GUCY1A2: variants seen among roughly 807,000 people sequenced by gnomAD.
GUCY1A2 encodes guanylate cyclase soluble subunit alpha-2.
GUCY1A2 carries 27 observed loss-of-function variants against 63.5 expected under a neutral mutation model. The observed-to-expected ratio is 0.43, with a 90% confidence interval of 0.31 to 0.59. The LOEUF (loss-of-function observed/expected upper bound fraction) is 0.59, where lower values mean the gene tolerates loss of function less well. Among genes scored for constraint, GUCY1A2 ranks in the 20% least tolerant of loss-of-function variants. GUCY1A2 has a pLI of 0.11. For missense variants in GUCY1A2, 768 were observed against 913.3 expected, an observed-to-expected ratio of 0.84 and a Z score of 2.05; for synonymous variants, 364 against 343.5, an observed-to-expected ratio of 1.06 and a Z score of -0.66.
chr11:106,687,798 G>T, intron 7 of GUCY1A2, 42 bp from the exon 8 acceptor site: 1 of 1,341,982 alleles, frequency 7.5e-7, no homozygotes, highest in South Asian at 1.2e-5. Flanking sequence ...GTAGGCCAGG[G>T]AAATGTAAAT....
chr11:106,748,887 C>T (rs1863836267), intron 6 of GUCY1A2, among the ~76,000 whole-genome samples: 1 of 152,004 alleles, frequency 6.6e-6, no homozygotes, highest in Admixed American at 6.6e-5. Flanking sequence ...TAGAAAACAT[C>T]AGACCTCATT....
chr11:106,965,252 G>C (rs1200144016), intron 3 of GUCY1A2, among the ~76,000 whole-genome samples: 1 of 152,036 alleles, frequency 6.6e-6, no homozygotes, highest in Non-Finnish European at 1.5e-5. Context: ...AAGCGATTTG[G>C]AGTAAAGTAC....
chr11:106,704,692 T>C lies in GUCY1A2; in HGVS notation c.1991+3820A>G, dbSNP rs114830988. 7.8e-3 allele frequency among the ~76,000 whole-genome samples: 1,191 copies of C among 152,308 alleles called. 13 individuals are homozygous for C. Among genetic ancestry groups the C allele is most frequent in the African/African-American group, 0.027 (1,138 of 41,556 alleles). ...AAGTAATTCAAGTCTTTCTACACTTTTAGTTTGCACTGTAGCAAGAAAAAA... is the reference window on the plus strand; with the variant it reads ...AAGTAATTCAAGTCTTTCTACACTTCTAGTTTGCACTGTAGCAAGAAAAAA... On this transcript the variant is annotated intron_variant, in intron 7 of 7. Transcript: ENST00000526355.
At chr11:106,815,794 A>C (rs1008412354) in intron 4 of GUCY1A2, among the ~76,000 whole-genome samples, 1 of 151,978 alleles carries the variant, frequency 6.6e-6, no homozygotes, top group Non-Finnish European at 1.5e-5. Flanking sequence ...AAACACACGC[A>C]CACACACACC....
At chr11:106,825,746 C>A (rs1040530995) in intron 4 of GUCY1A2, among the ~76,000 whole-genome samples, 7 of 151,716 alleles carry the variant, frequency 4.6e-5, no homozygotes, top group African/African-American at 1.7e-4. Flanking sequence ...CTAACACTGA[C>A]GATAGCTGAT....
intron 4 of GUCY1A2, among the ~76,000 whole-genome samples, chr11:106,877,224 C>T (rs910875214): frequency 2.6e-5 from 4 of 151,942 alleles, no homozygotes; most frequent in Non-Finnish European, 5.9e-5. Context: ...TTTGGGGCTG[C>T]GACTACAGGG....
intron 4 of GUCY1A2, among the ~76,000 whole-genome samples, chr11:106,915,155 GAAGA>G (rs374534678): frequency 1.7e-3 from 264 of 152,248 alleles, no homozygotes; most frequent in African/African-American, 5.9e-3. Context: ...GGATCTTTTT[GAAGA>G]AAGAAAGAGA....
At chr11:106,742,936 T>TGGAAA (rs1431813332) in intron 6 of GUCY1A2, among the ~76,000 whole-genome samples, 5 of 152,228 alleles carry the variant, frequency 3.3e-5, no homozygotes, top group African/African-American at 1.2e-4. Context: ...CTGAGTCTTC[T>TGGAAA]TTAGGTTTTG....
intron 4 of GUCY1A2, among the ~76,000 whole-genome samples, chr11:106,875,476 A>T (rs1415857012): frequency 6.6e-6 from 1 of 152,158 alleles, no homozygotes; most frequent in African/African-American, 2.4e-5. Flanking sequence ...TCATGGTTGG[A>T]TCCAGGGCTC....
Position 106,939,740 on chromosome 11 carries a change from G to A in GUCY1A2, c.926C>T (p.Thr309Ile). The change falls in exon 4 of 8, where the codon ACC (threonine) becomes ATC (isoleucine). Residue 309 changes from threonine to isoleucine, a missense_variant. Around this residue, in one of 3 missense-constraint regions of GUCY1A2, gnomAD observed 496 missense variants for 486.9 expected, o/e 1.02. Transcript: ENST00000526355. ...TNIMKNLPQGTSQVPADLRIS... is the reference protein window; with the variant it reads ...TNIMKNLPQGISQVPADLRIS... ...TCTGAGGTCCGCAGGAACTTGGGAG[G>A]TTCCCTGTGGAAGGTTCTTCATGAT... 1 of 1,613,780 alleles carries A rather than the reference G, an allele frequency of 6.2e-7. No homozygotes were observed. The highest frequency in any genetic ancestry group is 8.5e-7 in the Non-Finnish European group (1 of 1,179,724).
At chr11:107,002,377 GAAT>G (rs1285071014) in intron 1 of GUCY1A2, among the ~76,000 whole-genome samples, 1 of 141,564 alleles carries the variant, frequency 7.1e-6, no homozygotes, top group African/African-American at 2.6e-5. Context: ...GACATGGAGA[GAAT>G]AAGAACAGGT....
In GUCY1A2 at chr11:106,714,226, T is replaced by TA. The variant is rs542926731; in HGVS notation, c.1837-5561dup. Among the ~76,000 whole-genome samples, 445 of 146,740 alleles carry TA rather than the reference T, an allele frequency of 3.0e-3. 2 individuals are homozygous for TA. The highest frequency in any genetic ancestry group is 4.5e-3 in the Non-Finnish European group (300 of 66,186). Reference sequence around the variant, plus strand: ...GAGGGTCATAGAGAGGAACAGTCATTAAAAAAAAAAGTCTTGTCTCTTAGA... The same window carrying TA: ...GAGGGTCATAGAGAGGAACAGTCATTAAAAAAAAAAAGTCTTGTCTCTTAGA... On this transcript the variant is annotated intron_variant, in intron 6 of 7. Transcript: ENST00000526355.
chr11:106,755,202 G>A (rs192777734), intron 6 of GUCY1A2, among the ~76,000 whole-genome samples: 2 of 151,820 alleles, frequency 1.3e-5, no homozygotes, highest in African/African-American at 4.8e-5. Context: ...GATATCCCCT[G>A]TATCATTTTT....
At chr11:106,754,364 T>C (rs921525567) in intron 6 of GUCY1A2, among the ~76,000 whole-genome samples, 2 of 152,200 alleles carry the variant, frequency 1.3e-5, no homozygotes, top group Non-Finnish European at 2.9e-5. Context: ...TCTTGCCTGA[T>C]TGCCCTGGCC....
intron 4 of GUCY1A2, among the ~76,000 whole-genome samples, chr11:106,919,644 G>A (rs1447412343): frequency 6.6e-6 from 1 of 152,090 alleles, no homozygotes; most frequent in African/African-American, 2.4e-5. Context: ...GTTGAGATCT[G>A]AAGGACAAAA....
Position 106,986,112 on chromosome 11 carries a change from G to T in GUCY1A2, c.323C>A (p.Thr108Asn). 1 of 1,497,150 alleles carries T rather than the reference G, an allele frequency of 6.7e-7. No individual in the cohort carries two copies. The allele number at this position is 1,497,150 out of a possible 1,614,324, so 92.7% of individuals were successfully genotyped here. The change falls in exon 2 of 8, where the codon ACT becomes AAT. Residue 108 changes from threonine (T) to asparagine (N), a missense_variant. Thr to Asn is a moderately conservative substitution (Grantham distance 65, BLOSUM62 0). Coordinates refer to ENST00000526355, the MANE Select transcript of GUCY1A2 (RefSeq NM_000855.3). ...ATAATACTGCAGTGTCCTCTTGAGA[G>T]TCTGCTGTATCGTCTGAGGCTACAG... is the stretch of plus-strand genomic sequence containing the variant. ...TAPSPQTIQQ[T>N]LKRTLQYYEH...
intron 3 of GUCY1A2, among the ~76,000 whole-genome samples, chr11:106,953,728 A>T (rs935489510): frequency 1.3e-5 from 2 of 152,130 alleles, no homozygotes; most frequent in African/African-American, 4.8e-5. Context: ...CAGGGATTCA[A>T]CTTCTTCCTG....
intron 4 of GUCY1A2, among the ~76,000 whole-genome samples, chr11:106,867,816 G>T (rs954450578): frequency 1.3e-5 from 2 of 151,956 alleles, no homozygotes; most frequent in Non-Finnish European, 2.9e-5. Flanking sequence ...GAAAAAAGAG[G>T]AATGGAACAG....
At chr11:106,814,735 A>C (rs989017) in intron 4 of GUCY1A2, among the ~76,000 whole-genome samples, 128,197 of 152,000 alleles carry the variant, frequency 0.84, 54,683 homozygotes, top group East Asian at 0.99. Context: ...AAAATTACAC[A>C]GTCATTGCAA....
Sources: allele counts gnomAD v4.1 joint callset (sites outside exome capture counted in the v4.1 genomes callset), GRCh38; gene constraint gnomAD v4.1.1; regional missense constraint gnomAD v4.1.1; transcripts MANE v1.5; gene names NCBI Gene and HGNC (gene_info 2026-07-23, HGNC 2026-07-21).